The following ALDH1L1 variants were observed in gnomAD, a reference collection of about 807,000 sequenced individuals.
The protein encoded by ALDH1L1 is cytosolic 10-formyltetrahydrofolate dehydrogenase.
ALDH1L1 carries 68 observed loss-of-function variants against 101.1 expected under a neutral mutation model. That is an observed-to-expected ratio of 0.67 (90% confidence interval 0.55 to 0.82). ALDH1L1 has a LOEUF of 0.82. Ranked by LOEUF, ALDH1L1 falls within the 40% of genes least tolerant of loss-of-function variation. ALDH1L1 has a pLI of 0.00. For synonymous variants in ALDH1L1, 486 were observed against 470.8 expected (o/e 1.03, Z -0.42); for missense variants, 1,087 against 1,172.7 (o/e 0.93, Z 1.07).
chr3:126,123,635 C>CAAAAAAAAAAAAAAA (rs10652286), intron 16 of ALDH1L1, among the ~76,000 whole-genome samples: 4 of 128,872 alleles, frequency 3.1e-5, no homozygotes, highest in Non-Finnish European at 4.9e-5. Flanking sequence ...CAAAAAGCTG[C>CAAAAAAAAAAAAAAA]AAAAAAAAAA....
chr3:126,142,737 CAGTGGTGAAAGACTGAA>C (rs1328098795), intron 9 of ALDH1L1, among the ~76,000 whole-genome samples: 1 of 152,212 alleles, frequency 6.6e-6, no homozygotes, highest in African/African-American at 2.4e-5. Flanking sequence ...CTAACATACT[CAGTGGTGAAAGACTGAA>C]AGCCTTTCCC....
chr3:126,152,806 T>C (rs2080831007), intron 7 of ALDH1L1: 1 of 161,832 alleles, frequency 6.2e-6, no homozygotes, highest in African/African-American at 2.4e-5. Context: ...GCTTGGATGA[T>C]CCTGGACAAG....
chr3:126,152,854 A>G (rs1242512057), intron 7 of ALDH1L1: 1 of 165,086 alleles, frequency 6.1e-6, no homozygotes, highest in Non-Finnish European at 1.3e-5. Flanking sequence ...ATAAGGATAT[A>G]ATATTTATAC....
At chr3:126,186,737 C>A (rs2081520908) in intron 1 of ALDH1L1, among the ~76,000 whole-genome samples, 1 of 152,192 alleles carries the variant, frequency 6.6e-6, no homozygotes. Context: ...AGGTCAGACT[C>A]CAAGCACCAG....
intron 8 of ALDH1L1, 50 bp downstream of exon 8, chr3:126,150,356 G>A: frequency 1.3e-6 from 2 of 1,542,658 alleles, no homozygotes; most frequent in East Asian, 2.5e-5. Flanking sequence ...GAACACATGT[G>A]CACGGCACAA....
At chr3:126,109,293 G>C (rs549220474) in intron 20 of ALDH1L1, among the ~76,000 whole-genome samples, 11 of 152,314 alleles carry the variant, frequency 7.2e-5, no homozygotes, top group Admixed American at 2.0e-4. Context: ...CTGCGCTTCT[G>C]GCCTGGACTG....
chr3:126,110,326 G>T, intron 19 of ALDH1L1: 2 of 606,786 alleles, frequency 3.3e-6, no homozygotes, highest in Non-Finnish European at 5.7e-6. Flanking sequence ...GGAGACAGGA[G>T]CCCAGCAACA....
At chr3:126,139,056 C>T (rs1386483445) in intron 9 of ALDH1L1, among the ~76,000 whole-genome samples, 2 of 152,248 alleles carry the variant, frequency 1.3e-5, no homozygotes, top group African/African-American at 2.4e-5. Context: ...GGTCATATTC[C>T]AGACGCAGCT....
At chr3:126,144,188 A>G (rs1401981094) in intron 9 of ALDH1L1, among the ~76,000 whole-genome samples, 1 of 152,232 alleles carries the variant, frequency 6.6e-6, no homozygotes, top group Non-Finnish European at 1.5e-5. Flanking sequence ...GAAAACTACA[A>G]AACACTGCTG....
chr3:126,128,029 G>A (rs2080223246), intron 14 of ALDH1L1, among the ~76,000 whole-genome samples: 1 of 152,156 alleles, frequency 6.6e-6, no homozygotes. Flanking sequence ...AGTGGGGCAT[G>A]AGGGTGGAGG....
upstream of ALDH1L1, chr3:126,181,004 C>A: frequency 6.2e-7 from 1 of 1,606,674 alleles, no homozygotes; most frequent in East Asian, 2.2e-5. Context: ...GGAGACGCTG[C>A]CCTCCGGGAA....
intron 1 of ALDH1L1, among the ~76,000 whole-genome samples, chr3:126,170,794 ATCACT>A (rs1365977209): frequency 1.3e-5 from 2 of 152,158 alleles, no homozygotes; most frequent in Non-Finnish European, 2.9e-5. Flanking sequence ...TTTCAAGGAA[ATCACT>A]TCTCTTCTAA....
chr3:126,119,394 T>C (rs2080036941), intron 16 of ALDH1L1, among the ~76,000 whole-genome samples: 1 of 152,182 alleles, frequency 6.6e-6, no homozygotes, highest in African/African-American at 2.4e-5. Context: ...GGTTCTCCAT[T>C]TCAGTAAACA....
At chr3:126,140,965 T>C (rs2080556407) in intron 9 of ALDH1L1, among the ~76,000 whole-genome samples, 1 of 152,056 alleles carries the variant, frequency 6.6e-6, no homozygotes, top group Non-Finnish European at 1.5e-5. Context: ...TAAACTCTCC[T>C]GTTTAATCTA....
intron 1 of ALDH1L1, among the ~76,000 whole-genome samples, chr3:126,192,344 G>A (rs557603396): frequency 6.6e-6 from 1 of 152,196 alleles, no homozygotes; most frequent in East Asian, 1.9e-4. Flanking sequence ...GTAAATATTA[G>A]GATAATTTAC....
At chr3:126,188,235 C>T (rs965750425) in intron 1 of ALDH1L1, among the ~76,000 whole-genome samples, 3 of 152,196 alleles carry the variant, frequency 2.0e-5, no homozygotes, top group African/African-American at 2.4e-5. Context: ...ACAGTTGGCC[C>T]TCCATATTGG....
At chr3:126,166,781 C>T (rs903693130) in intron 1 of ALDH1L1, among the ~76,000 whole-genome samples, 2 of 152,042 alleles carry the variant, frequency 1.3e-5, no homozygotes, top group African/African-American at 4.8e-5. Flanking sequence ...AAAAATCTTT[C>T]ATTTTAAAAA....
Position 126,146,819 on chromosome 3 carries a change from C to T in ALDH1L1, c.1076+16G>A. ...ACCAAGTACCTGGGACAGGACCCCT[C>T]CACTCCTGGCCTTACCTCACAACGT... On this transcript the variant is annotated intron_variant, in intron 9 of 22. Coordinates refer to ENST00000393434, the MANE Select transcript of ALDH1L1 (RefSeq NM_012190.4). 1 of 1,613,004 alleles carries T rather than the reference C, an allele frequency of 6.2e-7. No individual in the cohort carries two copies. Among genetic ancestry groups the T allele is most frequent in the Non-Finnish European group, 8.5e-7 (1 of 1,179,380 alleles).
chr3:126,131,069 C>T (rs1352550155), intron 13 of ALDH1L1, among the ~76,000 whole-genome samples: 1 of 152,260 alleles, frequency 6.6e-6, no homozygotes, highest in Non-Finnish European at 1.5e-5. Flanking sequence ...GGCCTCAGCC[C>T]TGCATCCACA....
Sources: allele counts gnomAD v4.1 joint callset (sites outside exome capture counted in the v4.1 genomes callset), GRCh38; gene constraint gnomAD v4.1.1; transcripts MANE v1.5; gene names NCBI Gene and HGNC (gene_info 2026-07-23, HGNC 2026-07-21).